ASH1L: variants seen among roughly 807,000 people sequenced by gnomAD.
ASH1L encodes histone-lysine N-methyltransferase ASH1L.
In ASH1L, 23 loss-of-function variants were observed where a neutral mutation model predicts 269.0. The observed-to-expected ratio is 0.09, with a 90% CI of 0.06 to 0.12. The LOEUF is 0.12. Ranked by LOEUF, ASH1L falls within the 10% of genes least tolerant of loss-of-function variation. ASH1L has a pLI of 1.00. For synonymous variants in ASH1L, 1,187 were observed against 1,253.5 expected, an observed-to-expected ratio of 0.95 and a Z score of 1.12; for missense variants, 2,912 against 3,567.8, an observed-to-expected ratio of 0.82 and a Z score of 4.68.
At chr1:155,521,829 A>G (rs1668905828) in intron 1 of ASH1L, among the ~76,000 whole-genome samples, 2 of 152,204 alleles carry the variant, frequency 1.3e-5, no homozygotes, top group African/African-American at 4.8e-5. Flanking sequence ...AGATATCATA[A>G]ACAAGCCATA....
intron 5 of ASH1L, among the ~76,000 whole-genome samples, chr1:155,430,629 T>C (rs2148592760): frequency 6.6e-6 from 1 of 152,308 alleles, no homozygotes; most frequent in South Asian, 2.1e-4. Context: ...TTGATCGGCT[T>C]TACCAGAAGT....
chr1:155,530,740 AG>A (rs922790383), intron 1 of ASH1L, among the ~76,000 whole-genome samples: 23 of 151,336 alleles, frequency 1.5e-4, no homozygotes, highest in African/African-American at 5.1e-4. Context: ...TGTCTCGGGA[AG>A]GAAAAAAAAA....
chr1:155,483,169 A>T (rs1444274084), intron 2 of ASH1L, among the ~76,000 whole-genome samples: 1 of 152,198 alleles, frequency 6.6e-6, no homozygotes, highest in Non-Finnish European at 1.5e-5. Context: ...TTACTTTTGG[A>T]TAACCACTAA....
At chr1:155,543,630 T>C (rs978893510) in intron 1 of ASH1L, among the ~76,000 whole-genome samples, 1 of 151,806 alleles carries the variant, frequency 6.6e-6, no homozygotes, top group Non-Finnish European at 1.5e-5. Context: ...CACCCATTCT[T>C]TGCATCATAA....
At chr1:155,457,881 A>C (rs1283411467) in intron 4 of ASH1L, among the ~76,000 whole-genome samples, 1 of 152,184 alleles carries the variant, frequency 6.6e-6, no homozygotes, top group Non-Finnish European at 1.5e-5. Context: ...AATCTCATTC[A>C]TTTGTTCAGG....
chr1:155,523,457 A>C (rs1288439050), intron 1 of ASH1L, among the ~76,000 whole-genome samples: 3 of 152,208 alleles, frequency 2.0e-5, no homozygotes, highest in Non-Finnish European at 4.4e-5. Context: ...AAGCCACTGC[A>C]CTCCAACCTG....
intron 5 of ASH1L, among the ~76,000 whole-genome samples, chr1:155,419,659 AG>A (rs1464103844): frequency 1.3e-5 from 2 of 152,228 alleles, no homozygotes; most frequent in Non-Finnish European, 2.9e-5. Context: ...ATGACCAGGC[AG>A]GAAGTTTCCC....
chr1:155,349,945 A>G (rs532644256), intron 17 of ASH1L, among the ~76,000 whole-genome samples: 3 of 142,958 alleles, frequency 2.1e-5, no homozygotes, highest in African/African-American at 7.9e-5. Flanking sequence ...GCTGGAGTGC[A>G]GTGGCGTGAT....
rs775244129 is a variant in ASH1L, at chr1:155,343,695, G to C, written c.8029C>G (p.His2677Asp). The C allele has an allele frequency of 3.1e-6, 5 of 1,614,036 alleles. No homozygotes were observed. The highest frequency in any genetic ancestry group is 8.5e-7 in the Non-Finnish European group (1 of 1,180,028). ...MRDSRRTPDGHPVRQSYRLLS... is the reference protein window; with the variant it reads ...MRDSRRTPDGDPVRQSYRLLS... The stretch of plus-strand genomic sequence containing the variant: ...AGTCGATAGGACTGACGGACCGGGT[G>C]GCCATCAGGGGTGCGCCGACTATCC... The change falls in exon 23 of 28, where the codon CAC (histidine) becomes GAC (aspartate). Residue 2677 changes from histidine to aspartate, a missense_variant. Physicochemically the swap from His to Asp is moderately conservative, Grantham distance 81. This residue lies in a region of ASH1L where 179 missense variants were observed against 293.8 expected (regional missense o/e 0.61). Coordinates refer to ENST00000392403, the MANE Select transcript of ASH1L (RefSeq NM_018489.3). The surrounding 1 kb of genome is among the most constrained non-coding windows in gnomAD (Gnocchi z 6.1).
chr1:155,464,071 T>C (rs1664504644), intron 3 of ASH1L, among the ~76,000 whole-genome samples: 1 of 152,114 alleles, frequency 6.6e-6, no homozygotes, highest in Non-Finnish European at 1.5e-5. Flanking sequence ...TTCTGCTCAG[T>C]TTTTTCCCAA....
At chr1:155,559,592 C>T (rs1354039211) in intron 1 of ASH1L, among the ~76,000 whole-genome samples, 1 of 150,724 alleles carries the variant, frequency 6.6e-6, no homozygotes, top group Non-Finnish European at 1.5e-5. Context: ...AAGTACAAAG[C>T]TGCATACAGA....
intron 2 of ASH1L, among the ~76,000 whole-genome samples, chr1:155,489,003 T>G (rs986866581): frequency 6.6e-6 from 1 of 152,218 alleles, no homozygotes; most frequent in African/African-American, 2.4e-5. Context: ...TGTACATTCT[T>G]TTATACAAAT....
chr1:155,410,104 A>G (rs1384297436), intron 6 of ASH1L, among the ~76,000 whole-genome samples: 1 of 152,004 alleles, frequency 6.6e-6, no homozygotes, highest in Non-Finnish European at 1.5e-5. Flanking sequence ...TCAAAAAAAA[A>G]AAAGTTCGTA....
chr1:155,489,999 C>T (rs764374514), intron 2 of ASH1L, among the ~76,000 whole-genome samples: 19 of 150,450 alleles, frequency 1.3e-4, no homozygotes, highest in Non-Finnish European at 2.1e-4. Context: ...GACGGAGTCT[C>T]GCTCTGTTGC....
At chr1:155,388,261 A>G (rs1415432751) in intron 7 of ASH1L, among the ~76,000 whole-genome samples, 1 of 152,164 alleles carries the variant, frequency 6.6e-6, no homozygotes, top group Non-Finnish European at 1.5e-5. Context: ...GCTGCCACTC[A>G]CCAATGACAA....
chr1:155,407,914 T>C (rs1293024754), intron 6 of ASH1L, among the ~76,000 whole-genome samples: 1 of 152,142 alleles, frequency 6.6e-6, no homozygotes, highest in African/African-American at 2.4e-5. Context: ...AAATGGACAG[T>C]TGCCTAATGG....
In ASH1L at chr1:155,347,813, A is replaced by G. The variant is rs749647796; in HGVS notation, c.7646T>C (p.Ile2549Thr). 2 of 1,614,030 alleles carry G rather than the reference A, an allele frequency of 1.2e-6. No individual in the cohort carries two copies. The highest frequency in any genetic ancestry group is 1.1e-5 in the South Asian group (1 of 91,082). ...YNARHEASAQ[I>T]DEIVGETASE... ...TGCTGTCTCTCCCACAATCTCATCA[A>G]TCTGGGCTGATGCCTCATGCCGGGC... The change falls in exon 20 of 28, where the codon ATT becomes ACT. Residue 2549 changes from isoleucine (I) to threonine (T), a missense_variant. By Grantham distance (89) the Ile-to-Thr change is moderately conservative. This residue lies in a region of ASH1L where 309 missense variants were observed against 435.1 expected (regional missense o/e 0.71). Coordinates refer to ENST00000392403, the MANE Select transcript of ASH1L (RefSeq NM_018489.3).
intron 7 of ASH1L, among the ~76,000 whole-genome samples, chr1:155,392,330 TGGCCACAGATAAAAAGAGCTATACAAGCG>T (rs1657996379): frequency 6.6e-6 from 1 of 152,182 alleles, no homozygotes; most frequent in Non-Finnish European, 1.5e-5. Flanking sequence ...AACTGGGACC[TGGCCACAGATAAAAAGAGCTATACAAGCG>T]GGAAATGCAA....
intron 2 of ASH1L, among the ~76,000 whole-genome samples, chr1:155,518,631 G>C (rs1282366334): frequency 7.6e-6 from 1 of 131,130 alleles, no homozygotes; most frequent in South Asian, 2.7e-4. Context: ...AACATCATTA[G>C]TTGTTAAGAA....
Sources: allele counts gnomAD v4.1 joint callset (sites outside exome capture counted in the v4.1 genomes callset), GRCh38; gene constraint gnomAD v4.1.1; regional missense constraint gnomAD v4.1.1; non-coding constraint Gnocchi (gnomAD v3.1); transcripts MANE v1.5; gene names NCBI Gene and HGNC (gene_info 2026-07-23, HGNC 2026-07-21).